Variants in SCHIP1 observed in about 807,000 individuals in gnomAD.
The protein encoded by SCHIP1 is schwannomin-interacting protein 1.
Under a neutral mutation model 29.7 loss-of-function variants are expected in SCHIP1, and 8 were observed. The ratio of observed to expected loss-of-function variants is 0.27; its 90% CI spans 0.16 to 0.49. The LOEUF is 0.49. Ranked by LOEUF, SCHIP1 falls within the 20% of genes least tolerant of loss-of-function variation. SCHIP1 has a pLI of 0.99. For missense variants in SCHIP1, 193 were observed against 294.6 expected, an observed-to-expected ratio of 0.66 and a Z score of 2.52; for synonymous variants, 76 against 94.9, an observed-to-expected ratio of 0.80 and a Z score of 1.16.
the SCHIP1 span, among the ~76,000 whole-genome samples, chr3:159,343,883 A>T: frequency 6.6e-6 from 1 of 152,180 alleles, no homozygotes; most frequent in Non-Finnish European, 1.5e-5. Context: ...ATTATCAAGT[A>T]GTGTTTCTGT....
the SCHIP1 span, among the ~76,000 whole-genome samples, chr3:159,275,589 C>CT: frequency 1.8e-4 from 28 of 152,202 alleles, no homozygotes; most frequent in African/African-American, 3.9e-4. Context: ...ATATTTGCTG[C>CT]TTTTTTTCCA....
the SCHIP1 span, among the ~76,000 whole-genome samples, chr3:159,365,407 T>G: frequency 6.6e-6 from 1 of 152,090 alleles, no homozygotes; most frequent in South Asian, 2.1e-4. Context: ...CCGCTAAGTG[T>G]CTAAAATAGA....
the SCHIP1 span, among the ~76,000 whole-genome samples, chr3:159,719,498 A>T: frequency 7.2e-5 from 11 of 152,354 alleles, no homozygotes; most frequent in African/African-American, 2.6e-4. Context: ...ACAAAGGGCT[A>T]ATATCCAGAA....
At chr3:159,806,440 G>T in the SCHIP1 span, among the ~76,000 whole-genome samples, 1 of 152,306 alleles carries the variant, frequency 6.6e-6, no homozygotes, top group South Asian at 2.1e-4. Context: ...TTATAATATA[G>T]AATGACTCAA....
chr3:159,389,808 A>G, the SCHIP1 span, among the ~76,000 whole-genome samples: 2 of 152,088 alleles, frequency 1.3e-5, no homozygotes, highest in Non-Finnish European at 2.9e-5. Context: ...ATCTGATTCC[A>G]TAAGGTGGGT....
chr3:159,808,985 C>T, the SCHIP1 span, among the ~76,000 whole-genome samples: 11 of 138,206 alleles, frequency 8.0e-5, no homozygotes, highest in South Asian at 2.3e-4. Flanking sequence ...TTTTTTCTTT[C>T]TTTTTTTTTT....
At chr3:159,366,316 CCCA>C in the SCHIP1 span, among the ~76,000 whole-genome samples, 84,633 of 151,424 alleles carry the variant, frequency 0.56, 23,988 homozygotes, top group Non-Finnish European at 0.6. Context: ...CCAAACCCCA[CCCA>C]CCACCAGGTG....
the SCHIP1 span, among the ~76,000 whole-genome samples, chr3:159,570,661 G>GT: frequency 6.6e-6 from 1 of 152,130 alleles, no homozygotes; most frequent in Non-Finnish European, 1.5e-5. Flanking sequence ...CTTTAAAGTA[G>GT]TTTTTTCCAA....
chr3:159,656,615 G>T, the SCHIP1 span, among the ~76,000 whole-genome samples: 5 of 151,972 alleles, frequency 3.3e-5, no homozygotes, highest in South Asian at 1.0e-3. Flanking sequence ...TCTGTGCCTC[G>T]GTTTTCTCAT....
At chr3:159,853,750 A>C (rs530458129) in intron 1 of SCHIP1, among the ~76,000 whole-genome samples, 2 of 152,360 alleles carry the variant, frequency 1.3e-5, no homozygotes, top group South Asian at 4.1e-4. Flanking sequence ...TATGTGAAGG[A>C]ATTTTTTAAA....
At chr3:159,424,704 C>T in the SCHIP1 span, among the ~76,000 whole-genome samples, 4 of 152,142 alleles carry the variant, frequency 2.6e-5, no homozygotes, top group Non-Finnish European at 5.9e-5. Context: ...CACAAAGATA[C>T]TCCTCGAGAA....
chr3:159,409,239 A>G, the SCHIP1 span, among the ~76,000 whole-genome samples: 5,131 of 152,116 alleles, frequency 0.034, 112 homozygotes, highest in East Asian at 0.11. Flanking sequence ...TGACAAGGAT[A>G]CCCATTTTCA....
the SCHIP1 span, among the ~76,000 whole-genome samples, chr3:159,524,177 G>T: frequency 4.6e-5 from 7 of 152,228 alleles, no homozygotes; most frequent in Admixed American, 4.6e-4. Flanking sequence ...ATGTCCAGCT[G>T]CCACATGAGG....
chr3:159,761,413 A>T, the SCHIP1 span, among the ~76,000 whole-genome samples: 2 of 152,234 alleles, frequency 1.3e-5, no homozygotes, highest in Non-Finnish European at 2.9e-5. Context: ...AGGTTTCAAG[A>T]GACAAATCTA....
At chr3:159,872,364 A>C (rs900565497) in intron 2 of SCHIP1, among the ~76,000 whole-genome samples, 2 of 152,112 alleles carry the variant, frequency 1.3e-5, no homozygotes, top group African/African-American at 4.8e-5. Flanking sequence ...CTCTGCCCAG[A>C]AAATGTGTCC....
chr3:159,599,813 C>T, the SCHIP1 span, among the ~76,000 whole-genome samples: 2 of 152,080 alleles, frequency 1.3e-5, no homozygotes, highest in Non-Finnish European at 2.9e-5. Flanking sequence ...GTTTCATCAG[C>T]GAGTTTTATG....
the SCHIP1 span, among the ~76,000 whole-genome samples, chr3:159,594,913 G>A: frequency 0.035 from 5,314 of 152,186 alleles, 300 homozygotes; most frequent in African/African-American, 0.12. Context: ...AGGATGTCAG[G>A]TCTCCAACCC....
the SCHIP1 span, among the ~76,000 whole-genome samples, chr3:159,589,799 C>G: frequency 6.6e-6 from 1 of 152,102 alleles, no homozygotes; most frequent in Non-Finnish European, 1.5e-5. Context: ...GAGCAATATT[C>G]TGTCTCATTA....
At chr3:159,853,464 G>T in intron 1 of SCHIP1, 1 of 693,928 alleles carries the variant, frequency 1.4e-6, no homozygotes, top group Non-Finnish European at 2.6e-6. Context: ...AAAGGTAAGG[G>T]GGGAGAGCTC....
Sources: gnomAD v4.1 joint callset for allele counts (sites outside exome capture counted in the v4.1 genomes callset) on GRCh38, gnomAD v4.1.1 for gene constraint, MANE v1.5 for transcripts, NCBI Gene and HGNC (gene_info 2026-07-23, HGNC 2026-07-21) for gene names.